The following NUP153 variants were observed in gnomAD, a reference collection of about 807,000 sequenced individuals.
NUP153 encodes nuclear pore complex protein Nup153.
A neutral mutation model predicts 134.6 loss-of-function variants in NUP153; 27 were observed. The ratio of observed to expected loss-of-function variants is 0.20; its 90% confidence interval spans 0.15 to 0.28. NUP153 has a LOEUF of 0.28. NUP153 is among the 10% of genes least tolerant of loss of function. The probability of loss-of-function intolerance (pLI) is 1.00; values close to 1 mark genes in which losing one functional copy is unlikely to be tolerated. For synonymous variants in NUP153, 640 were observed against 623.5 expected (o/e 1.03, Z -0.40); for missense variants, 1,821 against 1,731.3 (o/e 1.05, Z -0.92).
intron 20 of NUP153, among the ~76,000 whole-genome samples, chr6:17,617,907 A>T (rs1387425688): frequency 6.6e-6 from 1 of 152,160 alleles, no homozygotes; most frequent in African/African-American, 2.4e-5. Flanking sequence ...GCACCAGAAC[A>T]GAAGTTTAGT....
chr6:17,623,833 T>C (rs1285056258), intron 20 of NUP153, among the ~76,000 whole-genome samples: 2 of 152,172 alleles, frequency 1.3e-5, no homozygotes, highest in Non-Finnish European at 2.9e-5. Context: ...ATGCATCTAT[T>C]AGCCAATAAA....
intron 1 of NUP153, among the ~76,000 whole-genome samples, chr6:17,705,110 C>T (rs1328221167): frequency 6.6e-6 from 1 of 152,208 alleles, no homozygotes; most frequent in African/African-American, 2.4e-5. Context: ...ACAACATCAA[C>T]CATGTGAAAG....
chr6:17,660,385 C>T (rs532635345), intron 11 of NUP153, among the ~76,000 whole-genome samples: 2 of 152,080 alleles, frequency 1.3e-5, no homozygotes, highest in Non-Finnish European at 2.9e-5. Context: ...AGCTGAAATG[C>T]ATTTATAATA....
intron 1 of NUP153, among the ~76,000 whole-genome samples, chr6:17,705,269 G>A (rs922586521): frequency 1.3e-5 from 2 of 152,032 alleles, no homozygotes; most frequent in Middle Eastern, 3.2e-3. Flanking sequence ...CTGATAAGTG[G>A]CTTTATTAAA....
chr6:17,669,473 C>A lies in NUP153; in HGVS notation c.926G>T (p.Arg309Leu). 2 of 1,614,030 alleles carry A rather than the reference C, an allele frequency of 1.2e-6. No homozygotes were observed. Among genetic ancestry groups the A allele is most frequent in the Non-Finnish European group, 8.5e-7 (1 of 1,179,960 alleles). Residue 309 changes from arginine to leucine, a missense_variant, in exon 6 of 22, where the codon CGG (arginine) becomes CTG (leucine). Physicochemically the swap from Arg to Leu is moderately radical, Grantham distance 102 (BLOSUM62 -2). Coordinates refer to ENST00000262077, the MANE Select transcript of NUP153 (RefSeq NM_005124.4). Reference sequence around the variant, plus strand: ...CTTCTCTAAAGACTGCAATATTCGCCGAGCTGTTGAACTGGTCACACCGTA... The same window carrying A: ...CTTCTCTAAAGACTGCAATATTCGCAGAGCTGTTGAACTGGTCACACCGTA... ...QSYGVTSSTA[R>L]RILQSLEKMS... is the part of the protein sequence containing the mutation.
At position 17,629,500 on chromosome 6, in the gene NUP153, G is replaced by A. The variant is rs1418998428; in HGVS notation, c.2699C>T (p.Ser900Phe). The change falls in exon 18 of 22, where the codon TCC becomes TTC. Residue 900 changes from serine (S) to phenylalanine (F), a missense_variant. By Grantham distance (155) the Ser-to-Phe change is radical. Coordinates refer to ENST00000262077, the MANE Select transcript of NUP153 (RefSeq NM_005124.4). ...TGAGACACCAAATTTGAAGGATGAG[G>A]AGGCTGCTGAGTTCGAAGATGAGGA... ...TSSSSSNSAA[S>F]SSFKFGVSSS... The A allele has an allele frequency of 6.2e-7, 1 of 1,602,698 alleles. No individual in the cohort carries two copies. Among genetic ancestry groups the A allele is most frequent in the East Asian group, 2.2e-5 (1 of 44,844 alleles).
At position 17,646,143 on chromosome 6, in the gene NUP153, T is replaced by C. The variant is rs377387766; in HGVS notation, c.1644A>G (p.Thr548=). The change falls in exon 14 of 22, where the codon ACA becomes ACG. Residue 548 remains threonine (T), a synonymous_variant. Coordinates refer to ENST00000262077, the MANE Select transcript of NUP153 (RefSeq NM_005124.4). The stretch of plus-strand genomic sequence containing the variant: ...CTGTTTTTGCAACAGGCACACTAAA[T>C]GTAAATCCAATCTGTAAAGAGAAAG... ...NVLPPSSIGF[T]FSVPVAKTAE... is the part of the protein sequence containing the mutation. 7.6e-6 allele frequency: 12 copies of C among 1,575,464 alleles called. No individual in the cohort carries two copies. The highest frequency in any genetic ancestry group is 6.7e-5 in the Admixed American group (4 of 59,756).
chr6:17,679,341 T>C (rs140875591), intron 2 of NUP153, among the ~76,000 whole-genome samples: 1 of 152,080 alleles, frequency 6.6e-6, no homozygotes, highest in African/African-American at 2.4e-5. Context: ...GATGTGCACA[T>C]GGAAACTACA....
At chr6:17,632,583 T>C (rs1765311828) in intron 17 of NUP153, 67 bp downstream of exon 17, 1 of 1,228,074 alleles carries the variant, frequency 8.1e-7, no homozygotes, top group Non-Finnish European at 1.1e-6. Flanking sequence ...CTCAAATACT[T>C]CATTTTTAAA....
chr6:17,650,644 T>A (rs577844563), intron 11 of NUP153, among the ~76,000 whole-genome samples: 1 of 140,266 alleles, frequency 7.1e-6, no homozygotes, highest in Admixed American at 6.9e-5. Context: ...AAACAAAGAA[T>A]CTACTTCTAT....
In NUP153 at chr6:17,616,846, T is replaced by C. The variant is rs1581649872; in HGVS notation, c.4175-151A>G. 6 of 663,328 alleles carry C rather than the reference T, an allele frequency of 9.0e-6. No homozygotes were observed. In the East Asian group the frequency reaches 1.7e-4, roughly 18 times the overall value. The allele number at this position is 663,328 out of a possible 1,614,324, so 41.1% of individuals were successfully genotyped here. A position where few individuals can be genotyped will look rare whatever the true frequency, so the allele number is the denominator to read the frequency against. On this transcript the variant is annotated intron_variant, in intron 20 of 21. Transcript: ENST00000262077. ...CTCACTGCAACCCTTGCCTCCTGGG[T>C]TCAAGTGATTCCCCTGCCTCAGCCT...
intron 2 of NUP153, among the ~76,000 whole-genome samples, chr6:17,687,232 C>T (rs1375479892): frequency 6.6e-6 from 1 of 152,130 alleles, no homozygotes; most frequent in East Asian, 1.9e-4. Context: ...ATTTCTACAG[C>T]TATCTTAGAA....
At chr6:17,619,491 A>G (rs1301902176) in intron 20 of NUP153, 2 of 152,232 alleles carry the variant, frequency 1.3e-5, no homozygotes, top group Non-Finnish European at 2.9e-5. Context: ...AAAGCCTGGT[A>G]GGAGGAACAG....
chr6:17,629,225 G>C lies in NUP153; in HGVS notation c.2974C>G (p.Pro992Ala). 6.2e-7 allele frequency: 1 copy of C among 1,613,330 alleles called. No individual in the cohort carries two copies. Among genetic ancestry groups the C allele is most frequent in the Non-Finnish European group, 8.5e-7 (1 of 1,179,790 alleles). ...KFGLSSGLSNPVSLTPFQFGV... is the reference protein window; with the variant it reads ...KFGLSSGLSNAVSLTPFQFGV... ...AATTGAAATGGAGTTAAAGAAACTG[G>C]GTTGCTTAAACCAGAAGAAAGTCCA... The change falls in exon 18 of 22, where the codon CCA becomes GCA. Residue 992 changes from proline to alanine, a missense_variant. Physicochemically the swap from Pro to Ala is conservative, Grantham distance 27. Coordinates refer to ENST00000262077, the MANE Select transcript of NUP153 (RefSeq NM_005124.4).
At chr6:17,646,516 G>C (rs919463957) in intron 13 of NUP153, among the ~76,000 whole-genome samples, 2 of 151,778 alleles carry the variant, frequency 1.3e-5, no homozygotes, top group African/African-American at 2.4e-5. Context: ...CAAATATAGA[G>C]GTTATTTTTA....
rs1007891812 is a variant in NUP153 at position 17,632,163 on chromosome 6, G to A, written c.2659+487C>T. 5.3e-5 allele frequency among the ~76,000 whole-genome samples: 8 copies of A among 152,112 alleles called. No homozygotes were observed. In the East Asian group the frequency reaches 7.8e-4, roughly 15 times the overall value. Reference sequence around the variant, plus strand: ...TAAAAGTCAGTAAGTTCATCTGGGCGCGGTGGCTCACACCTGTAATCCCAG... The same window carrying A: ...TAAAAGTCAGTAAGTTCATCTGGGCACGGTGGCTCACACCTGTAATCCCAG... On this transcript the variant is annotated intron_variant, in intron 17 of 21. Transcript: ENST00000262077.
At position 17,696,571 on chromosome 6, in the gene NUP153, C is replaced by T. The variant is rs948329235; in HGVS notation, c.112-7953G>A. ...GAGATCGAGACCATCCTGGCTAACA[C>T]GGTGAAACCCCGTCTCTATTAAAAA... On this transcript the variant is annotated intron_variant, in intron 1 of 21. Coordinates refer to ENST00000262077, the MANE Select transcript of NUP153 (RefSeq NM_005124.4). Among the ~76,000 whole-genome samples the T allele has an allele frequency of 7.9e-5, 12 of 151,962 alleles. No individual in the cohort carries two copies. In the East Asian group the frequency reaches 1.2e-3, roughly 15 times the overall value.
intron 2 of NUP153, among the ~76,000 whole-genome samples, chr6:17,681,006 G>A (rs535813180): frequency 2.0e-4 from 30 of 152,028 alleles, no homozygotes; most frequent in South Asian, 1.2e-3. Context: ...GCCAAGATAC[G>A]GAATTGACCT....
At chr6:17,623,385 A>G (rs1764754889) in intron 20 of NUP153, among the ~76,000 whole-genome samples, 1 of 152,056 alleles carries the variant, frequency 6.6e-6, no homozygotes, top group South Asian at 2.1e-4. Context: ...AACCTTTTAA[A>G]ACAATTTACA....
Sources: allele counts gnomAD v4.1 joint callset (sites outside exome capture counted in the v4.1 genomes callset), GRCh38; gene constraint gnomAD v4.1.1; transcripts MANE v1.5; gene names NCBI Gene and HGNC (gene_info 2026-07-23, HGNC 2026-07-21).